CD99L2: variants seen among roughly 807,000 people sequenced by gnomAD.
CD99L2 encodes CD99 antigen-like protein 2.
In CD99L2, 24 loss-of-function variants were observed where a neutral mutation model predicts 27.3. The ratio of observed to expected loss-of-function variants is 0.88; its 90% CI spans 0.64 to 1.24. The LOEUF (loss-of-function observed/expected upper bound fraction) is 1.24, where lower values mean the gene tolerates loss of function less well. Ranked by LOEUF, CD99L2 falls within the 50% of genes most tolerant of loss-of-function variation. The probability of loss-of-function intolerance (pLI) is 0.00; values close to 1 mark genes in which losing one functional copy is unlikely to be tolerated. For missense variants in CD99L2, 255 were observed against 221.6 expected (o/e 1.15, Z -0.96); for synonymous variants, 97 against 87.9 (o/e 1.10, Z -0.58).
intron 2 of CD99L2, among the ~76,000 whole-genome samples, chrX:150,830,413 G>A (rs1293361248): frequency 2.7e-5 from 3 of 110,738 alleles, no homozygotes; most frequent in African/African-American, 9.9e-5. Flanking sequence ...TTAGCCAGGT[G>A]TGGTAGCACA....
intron 7 of CD99L2, among the ~76,000 whole-genome samples, chrX:150,777,878 C>T (rs1054726798): frequency 8.9e-5 from 10 of 112,285 alleles, no homozygotes; most frequent in African/African-American, 2.3e-4. Flanking sequence ...GCCACCACCA[C>T]GGGTCTCTGA....
intron 4 of CD99L2, among the ~76,000 whole-genome samples, chrX:150,806,886 C>G (rs1557420256): frequency 9.2e-6 from 1 of 108,501 alleles, no homozygotes; most frequent in African/African-American, 3.4e-5. Flanking sequence ...AGCAAAACTG[C>G]ACCTCAAAAA....
rs375409107 is a variant in CD99L2, at chrX:150,824,751, C to T, written c.130+6480G>A. On this transcript the variant is annotated intron_variant, in intron 2 of 10. Coordinates refer to ENST00000370377, the MANE Select transcript of CD99L2 (RefSeq NM_031462.4). The stretch of plus-strand genomic sequence containing the variant: ...GAAGAAACCTTGCCTGTCAATACTG[C>T]CACATTGGGAATTAAATTTCAACAT... Among the ~76,000 whole-genome samples the T allele has an allele frequency of 4.6e-5, 5 of 108,647 alleles. No homozygotes were observed. The East Asian group carries it at 1.1e-3, about 25-fold the overall frequency. 94.3% of individuals were successfully genotyped at this position (108,647 alleles called of 115,157 possible). A position where few individuals can be genotyped will look rare whatever the true frequency, so the allele number is the denominator to read the frequency against.
chrX:150,877,959 T>TACACAC (rs72172934), intron 1 of CD99L2, among the ~76,000 whole-genome samples: 1,736 of 83,024 alleles, frequency 0.021, 37 homozygotes, highest in African/African-American at 0.061. Context: ...CTCAAACACA[T>TACACAC]ACACACACAC....
intron 4 of CD99L2, 43 bp downstream of exon 4, chrX:150,814,819 A>C: frequency 9.1e-7 from 1 of 1,104,209 alleles, no homozygotes; most frequent in Non-Finnish European, 1.3e-6. Flanking sequence ...GTTGTAATTA[A>C]TGAGACAGAA....
intron 1 of CD99L2, among the ~76,000 whole-genome samples, chrX:150,835,885 G>A (rs2046519138): frequency 9.0e-6 from 1 of 111,393 alleles, no homozygotes; most frequent in African/African-American, 3.3e-5. Context: ...CCACTGATGA[G>A]GGGCCAAGTT....
At chrX:150,843,077 G>A (rs1557421387) in intron 1 of CD99L2, among the ~76,000 whole-genome samples, 3 of 112,522 alleles carry the variant, frequency 2.7e-5, no homozygotes, top group Admixed American at 1.9e-4. Context: ...GCAGAGGAAC[G>A]TGTCTGCTGC....
chrX:150,778,867 A>G (rs1255418232), intron 7 of CD99L2, among the ~76,000 whole-genome samples: 1 of 109,568 alleles, frequency 9.1e-6, no homozygotes, highest in East Asian at 2.8e-4. Flanking sequence ...AAACAAAAAA[A>G]TACACACATA....
intron 1 of CD99L2, among the ~76,000 whole-genome samples, chrX:150,843,819 G>A (rs1430276931): frequency 1.8e-5 from 2 of 110,766 alleles, no homozygotes; most frequent in Non-Finnish European, 1.9e-5. Flanking sequence ...CTATCCCTAC[G>A]TTTGTCCAGG....
intron 1 of CD99L2, among the ~76,000 whole-genome samples, chrX:150,877,959 T>TACACACACACACACACAC (rs72172934): frequency 1.4e-4 from 12 of 83,065 alleles, no homozygotes; most frequent in African/African-American, 4.2e-4. Context: ...CTCAAACACA[T>TACACACACACACACACAC]ACACACACAC....
chrX:150,787,052 T>TA (rs1557419576), intron 7 of CD99L2, among the ~76,000 whole-genome samples: 2 of 112,379 alleles, frequency 1.8e-5, no homozygotes, highest in African/African-American at 3.2e-5. Flanking sequence ...GCCCGCTTTT[T>TA]AATGGGATGG....
At chrX:150,791,254 A>G (rs1380297079) in intron 7 of CD99L2, among the ~76,000 whole-genome samples, 5 of 111,900 alleles carry the variant, frequency 4.5e-5, no homozygotes, top group Non-Finnish European at 9.4e-5. Context: ...TATATTTCCT[A>G]TTTCCTATCT....
intron 1 of CD99L2, among the ~76,000 whole-genome samples, chrX:150,886,792 G>A (rs1026892492): frequency 9.0e-6 from 1 of 111,575 alleles, no homozygotes; most frequent in South Asian, 3.7e-4. Context: ...ACACCCACCC[G>A]CCTTATCCCT....
Position 150,768,861 on chromosome X carries a change from G to A in CD99L2, c.*173C>T, listed in dbSNP as rs2043356452. 5.0e-6 allele frequency: 5 copies of A among 999,865 alleles called. No individual in the cohort carries two copies. The highest frequency in any genetic ancestry group is 6.3e-6 in the Non-Finnish European group (5 of 790,368). The allele number at this position is 999,865 out of a possible 1,213,427, so 82.4% of individuals were successfully genotyped here. A position where few individuals can be genotyped will look rare whatever the true frequency, so the allele number is the denominator to read the frequency against. ...GGCACCAAGTCTCAGCACGCTTGGG[G>A]CAGGGCAGAGAAACCAAACTCACAA... On this transcript the variant is annotated 3_prime_UTR_variant, in exon 11 of 11. Coordinates refer to ENST00000370377, the MANE Select transcript of CD99L2 (RefSeq NM_031462.4).
intron 1 of CD99L2, among the ~76,000 whole-genome samples, chrX:150,853,324 TG>T (rs35594870): frequency 4.0e-4 from 45 of 112,129 alleles, no homozygotes; most frequent in African/African-American, 1.4e-3. Context: ...CCATGCTGTG[TG>T]GTGGTGGGGC....
chrX:150,795,149 T>G lies in CD99L2; in HGVS notation c.430+57A>C, dbSNP rs1408210685. 2.4e-5 allele frequency: 28 copies of G among 1,171,538 alleles called. No homozygotes were observed. In the Middle Eastern group the frequency reaches 9.3e-4, roughly 39 times the overall value. ...CCAGCTCTGCCAGGCCCAAGCTGGC[T>G]CTGGCTCTGTGGGATGATGTAATTA... On this transcript the variant is annotated intron_variant, in intron 6 of 10. Transcript: ENST00000370377.
chrX:150,863,354 G>T (rs1007347375), intron 1 of CD99L2, among the ~76,000 whole-genome samples: 2 of 112,272 alleles, frequency 1.8e-5, no homozygotes. Flanking sequence ...TGCTATTCTT[G>T]TAAATTATTG....
In CD99L2 at chrX:150,869,822, T is replaced by A. The variant is rs886680385; in HGVS notation, c.67+28700A>T. ...GACTATCCATATAAGCAAGTAGTTTTAAAAAAAAACTCTTTCAAACATGTT... is the reference window on the plus strand; with the variant it reads ...GACTATCCATATAAGCAAGTAGTTTAAAAAAAAAACTCTTTCAAACATGTT... On this transcript the variant is annotated intron_variant, in intron 1 of 10. Transcript: ENST00000370377. Among the ~76,000 whole-genome samples, 9 of 110,149 alleles carry A rather than the reference T, an allele frequency of 8.2e-5. No homozygotes were observed. The East Asian group carries it at 2.0e-3, about 25-fold the overall frequency.
At chrX:150,787,960 A>G (rs782786493) in intron 7 of CD99L2, among the ~76,000 whole-genome samples, 1 of 96,678 alleles carries the variant, frequency 1.0e-5, no homozygotes, top group African/African-American at 3.7e-5. Context: ...TGTTTTGTCA[A>G]TTTTGTTGAA....
Sources: allele counts gnomAD v4.1 joint callset (sites outside exome capture counted in the v4.1 genomes callset), GRCh38; gene constraint gnomAD v4.1.1; transcripts MANE v1.5; gene names NCBI Gene and HGNC (gene_info 2026-07-23, HGNC 2026-07-21).